Variants in ST6GALNAC3 observed in about 807,000 individuals in gnomAD.
ST6GALNAC3 encodes the protein alpha-N-acetylgalactosaminide alpha-2,6-sialyltransferase 3.
In ST6GALNAC3, 25 loss-of-function variants were observed where a neutral mutation model predicts 32.7. That is an observed-to-expected ratio of 0.76 (90% CI 0.56 to 1.07). The LOEUF is 1.07. Among genes scored for constraint, ST6GALNAC3 ranks in the 50% least tolerant of loss-of-function variants. The pLI is 0.00. For synonymous variants in ST6GALNAC3, 129 were observed against 133.1 expected (o/e 0.97, Z 0.21); for missense variants, 355 against 382.4 (o/e 0.93, Z 0.60).
intron 3 of ST6GALNAC3, among the ~76,000 whole-genome samples, chr1:76,557,174 A>G (rs78171426): frequency 0.17 from 25,486 of 151,950 alleles, 2,317 homozygotes; most frequent in African/African-American, 0.23. Context: ...ACTCTCATAA[A>G]AAATTGATCA....
chr1:76,088,637 A>G (rs1442661332), intron 1 of ST6GALNAC3, among the ~76,000 whole-genome samples: 1 of 152,154 alleles, frequency 6.6e-6, no homozygotes, highest in Non-Finnish European at 1.5e-5. Flanking sequence ...AGATAAGGCC[A>G]CAGAACAGCC....
chr1:76,184,416 G>A (rs577220420), intron 1 of ST6GALNAC3, among the ~76,000 whole-genome samples: 15 of 152,062 alleles, frequency 9.9e-5, no homozygotes, highest in Non-Finnish European at 2.1e-4. Context: ...GCGCATGTCT[G>A]TAGTCACAGC....
At chr1:76,597,851 T>A (rs906763988) in intron 3 of ST6GALNAC3, among the ~76,000 whole-genome samples, 9 of 152,158 alleles carry the variant, frequency 5.9e-5, no homozygotes, top group African/African-American at 1.9e-4. Context: ...CTTTCATCCA[T>A]GCTCTTGGCT....
At chr1:76,497,572 A>G (rs1017340395) in intron 3 of ST6GALNAC3, among the ~76,000 whole-genome samples, 8 of 152,210 alleles carry the variant, frequency 5.3e-5, no homozygotes, top group African/African-American at 1.9e-4. Flanking sequence ...GGGGACATAG[A>G]AAGAAAACCA....
At chr1:76,594,458 C>A (rs1167566049) in intron 3 of ST6GALNAC3, among the ~76,000 whole-genome samples, 2 of 152,140 alleles carry the variant, frequency 1.3e-5, no homozygotes, top group African/African-American at 4.8e-5. Flanking sequence ...GTCTCTAATA[C>A]CCTCTTGTTC....
chr1:76,450,537 A>T (rs4949721), intron 3 of ST6GALNAC3, among the ~76,000 whole-genome samples: 152,043 of 152,308 alleles, frequency 1, 75,890 homozygotes, highest in East Asian at 1. Flanking sequence ...ACTGATTGTT[A>T]CTTTTTCTGT....
chr1:76,091,936 T>C (rs530599985), intron 1 of ST6GALNAC3, among the ~76,000 whole-genome samples: 4 of 152,342 alleles, frequency 2.6e-5, no homozygotes, highest in Admixed American at 6.5e-5. Context: ...ATAACAACAC[T>C]GTGAATCTGT....
At chr1:76,339,795 T>C (rs570183575) in intron 2 of ST6GALNAC3, among the ~76,000 whole-genome samples, 1 of 151,922 alleles carries the variant, frequency 6.6e-6, no homozygotes, top group Non-Finnish European at 1.5e-5. Context: ...TCCAAAAAAA[T>C]ACAGAAATCT....
chr1:76,176,897 A>G (rs11583947), intron 1 of ST6GALNAC3, among the ~76,000 whole-genome samples: 1 of 152,286 alleles, frequency 6.6e-6, no homozygotes, highest in South Asian at 2.1e-4. Context: ...TATATTTAAT[A>G]CCATTTAGCT....
At chr1:76,230,151 A>C (rs1312900645) in intron 1 of ST6GALNAC3, among the ~76,000 whole-genome samples, 1 of 152,208 alleles carries the variant, frequency 6.6e-6, no homozygotes, top group Non-Finnish European at 1.5e-5. Flanking sequence ...TTATTTCTTT[A>C]TCTTTTTCTA....
chr1:76,601,190 T>C (rs1647222545), intron 3 of ST6GALNAC3, among the ~76,000 whole-genome samples: 1 of 152,034 alleles, frequency 6.6e-6, no homozygotes, highest in Non-Finnish European at 1.5e-5. Context: ...AGAGCAAGAT[T>C]CTGTCAAAAA....
chr1:76,502,071 T>C (rs1235509163), intron 3 of ST6GALNAC3, among the ~76,000 whole-genome samples: 1 of 152,128 alleles, frequency 6.6e-6, no homozygotes, highest in Non-Finnish European at 1.5e-5. Context: ...GTGCGCCTCT[T>C]ATCAGGAAAA....
chr1:76,635,544 TGGAACCAA>T (rs1649483568), downstream of ST6GALNAC3, among the ~76,000 whole-genome samples: 1 of 152,186 alleles, frequency 6.6e-6, no homozygotes, highest in Non-Finnish European at 1.5e-5. Flanking sequence ...GAAATGAGAT[TGGAACCAA>T]GGCAGTTTGG....
At chr1:76,564,771 G>C (rs1341552756) in intron 3 of ST6GALNAC3, among the ~76,000 whole-genome samples, 1 of 152,002 alleles carries the variant, frequency 6.6e-6, no homozygotes, top group African/African-American at 2.4e-5. Context: ...ATTTTTAGTA[G>C]AGACGGGGTT....
chr1:76,324,586 TA>T (rs1174224379), intron 2 of ST6GALNAC3, among the ~76,000 whole-genome samples: 1 of 152,156 alleles, frequency 6.6e-6, no homozygotes, highest in Non-Finnish European at 1.5e-5. Flanking sequence ...ACAACTCCTC[TA>T]AACTGTTCAG....
At chr1:76,143,882 G>A (rs1189547097) in intron 1 of ST6GALNAC3, among the ~76,000 whole-genome samples, 4 of 152,146 alleles carry the variant, frequency 2.6e-5, no homozygotes, top group African/African-American at 4.8e-5. Flanking sequence ...GTGGGCTCTA[G>A]TGCAGGACTG....
intron 1 of ST6GALNAC3, among the ~76,000 whole-genome samples, chr1:76,188,412 A>G (rs1455249185): frequency 2.0e-5 from 3 of 152,202 alleles, no homozygotes; most frequent in East Asian, 1.9e-4. Flanking sequence ...AATGATTATT[A>G]TAGTGTGTGT....
chr1:76,481,815 A>C (rs1245422583), intron 3 of ST6GALNAC3, among the ~76,000 whole-genome samples: 1 of 152,176 alleles, frequency 6.6e-6, no homozygotes, highest in Non-Finnish European at 1.5e-5. Flanking sequence ...CATATGCAAA[A>C]GTTCTAGAAA....
At chr1:76,474,554 A>G (rs1387426596) in intron 3 of ST6GALNAC3, among the ~76,000 whole-genome samples, 2 of 152,190 alleles carry the variant, frequency 1.3e-5, no homozygotes, top group Non-Finnish European at 2.9e-5. Context: ...GTGATACCAC[A>G]ACTTCTATGT....
Sources: allele counts gnomAD v4.1 joint callset (sites outside exome capture counted in the v4.1 genomes callset), GRCh38; gene constraint gnomAD v4.1.1; transcripts MANE v1.5; gene names NCBI Gene and HGNC (gene_info 2026-07-23, HGNC 2026-07-21).